Variants in MYLK observed in about 807,000 individuals in gnomAD.
The protein encoded by MYLK is myosin light chain kinase, smooth muscle.
In MYLK, 106 loss-of-function variants were observed where a neutral mutation model predicts 203.4. The ratio of observed to expected loss-of-function variants is 0.52; its 90% confidence interval spans 0.45 to 0.61. The LOEUF (loss-of-function observed/expected upper bound fraction) is 0.61. Among genes scored for constraint, MYLK ranks in the 20% least tolerant of loss-of-function variants. The pLI is 0.00. For synonymous variants in MYLK, 867 were observed against 959.5 expected (o/e 0.90, Z 1.78); for missense variants, 2,072 against 2,442.3 (o/e 0.85, Z 3.20).
chr3:123,805,480 T>C (rs982980755), intron 3 of MYLK, among the ~76,000 whole-genome samples: 8 of 147,692 alleles, frequency 5.4e-5, no homozygotes, highest in Non-Finnish European at 1.2e-4. Context: ...GTTTTTCCCA[T>C]AAAAATCTAG....
intron 15 of MYLK, 38 bp from the exon 16 acceptor site, chr3:123,708,041 C>G: frequency 1.2e-6 from 2 of 1,612,666 alleles, no homozygotes; most frequent in Non-Finnish European, 1.7e-6. Flanking sequence ...ACAGGGATGT[C>G]CCTCAGCAGG....
chr3:123,659,632 T>A (rs1053152217), intron 23 of MYLK: 1 of 513,804 alleles, frequency 1.9e-6, no homozygotes, highest in Admixed American at 2.0e-5. Context: ...TGCTTTCTGT[T>A]CTTTCTAAGC....
intron 24 of MYLK, among the ~76,000 whole-genome samples, chr3:123,655,477 CCT>C (rs1317201275): frequency 6.6e-6 from 1 of 152,216 alleles, no homozygotes; most frequent in African/African-American, 2.4e-5. Context: ...CTAGCTTAAA[CCT>C]TTCTCCTGGG....
chr3:123,704,556 C>G (rs2061375678), intron 16 of MYLK, among the ~76,000 whole-genome samples: 1 of 152,066 alleles, frequency 6.6e-6, no homozygotes, highest in Admixed American at 6.6e-5. Flanking sequence ...GGATCCTGTC[C>G]CACCCTGAAT....
chr3:123,753,261 A>G (rs1354417657), intron 4 of MYLK, among the ~76,000 whole-genome samples: 1 of 152,222 alleles, frequency 6.6e-6, no homozygotes, highest in Non-Finnish European at 1.5e-5. Flanking sequence ...AGTATTTTTG[A>G]TATGTTGAAT....
intron 3 of MYLK, among the ~76,000 whole-genome samples, chr3:123,804,799 T>G (rs9816400): frequency 0.17 from 26,075 of 152,188 alleles, 2,848 homozygotes; most frequent in Non-Finnish European, 0.25. Context: ...TCCCATGGCC[T>G]GTTTCCCCTG....
At chr3:123,681,475 G>T in intron 20 of MYLK, 1 of 152,980 alleles carries the variant, frequency 6.5e-6, no homozygotes. Context: ...ACATTGGGAA[G>T]GAGGTAGTGG....
chr3:123,752,089 T>C (rs2063212112), intron 5 of MYLK, among the ~76,000 whole-genome samples: 1 of 151,954 alleles, frequency 6.6e-6, no homozygotes, highest in Admixed American at 6.6e-5. Context: ...GGGGAAGCCA[T>C]GGGAGGGCTC....
chr3:123,744,545 G>A (rs529310346), intron 5 of MYLK, among the ~76,000 whole-genome samples: 4 of 152,340 alleles, frequency 2.6e-5, no homozygotes, highest in East Asian at 3.9e-4. Context: ...GATGATTAAT[G>A]TATTAATGTG....
chr3:123,831,514 G>A, intron 3 of MYLK, 34 bp downstream of exon 3: 1 of 989,028 alleles, frequency 1.0e-6, no homozygotes, highest in East Asian at 6.1e-5. Context: ...GAGGAGGAAT[G>A]GTCAACAGCA....
At chr3:123,664,815 A>G (rs542153554) in intron 22 of MYLK, among the ~76,000 whole-genome samples, 1 of 152,378 alleles carries the variant, frequency 6.6e-6, no homozygotes, top group East Asian at 1.9e-4. Context: ...TCATGTTACA[A>G]TAAGAATGAG....
chr3:123,737,377 C>T lies in MYLK; in HGVS notation c.754+1G>A, dbSNP rs1204908780. On this transcript the variant is annotated splice_donor_variant, in intron 8 of 33. Coordinates refer to ENST00000360304, the MANE Select transcript of MYLK (RefSeq NM_053025.4). LOFTEE classifies it high-confidence loss of function. ...TGCACTAGCCGTCCACTGGTCGATACCTTGGATGGAAAGTTCAGCTGACAT... is the reference window on the plus strand; with the variant it reads ...TGCACTAGCCGTCCACTGGTCGATATCTTGGATGGAAAGTTCAGCTGACAT... 1 of 1,614,138 alleles carries T rather than the reference C, an allele frequency of 6.2e-7. No individual in the cohort carries two copies. Among genetic ancestry groups the T allele is most frequent in the South Asian group, 1.1e-5 (1 of 91,070 alleles).
intron 8 of MYLK, among the ~76,000 whole-genome samples, chr3:123,735,976 T>A (rs180983265): frequency 3.9e-5 from 6 of 152,316 alleles, no homozygotes; most frequent in Admixed American, 2.0e-4. Context: ...CGTTTATTTG[T>A]TTTTGAGTAT....
intron 19 of MYLK, among the ~76,000 whole-genome samples, chr3:123,686,370 GTT>G (rs57730652): frequency 6.8e-6 from 1 of 147,788 alleles, no homozygotes. Flanking sequence ...TCTGGGCAGC[GTT>G]TTTTTTTTTT....
intron 23 of MYLK, among the ~76,000 whole-genome samples, chr3:123,660,921 T>C (rs1384981032): frequency 6.6e-6 from 1 of 152,246 alleles, no homozygotes; most frequent in East Asian, 1.9e-4. Context: ...TAATTCTAAG[T>C]GTACAGGCTC....
intron 3 of MYLK, among the ~76,000 whole-genome samples, chr3:123,818,580 C>G (rs1349683813): frequency 1.3e-5 from 2 of 152,126 alleles, no homozygotes; most frequent in African/African-American, 2.4e-5. Flanking sequence ...GTCTCAGCCA[C>G]TCAAGGGGCT....
At chr3:123,713,244 C>G (rs188679513) in intron 13 of MYLK, among the ~76,000 whole-genome samples, 1 of 152,124 alleles carries the variant, frequency 6.6e-6, no homozygotes, top group African/African-American at 2.4e-5. Flanking sequence ...ATGTTCAGAA[C>G]GAGCCTGTTC....
In MYLK at chr3:123,795,038, A is replaced by G. The variant is rs1419879015; in HGVS notation, c.-3-1194T>C. Among the ~76,000 whole-genome samples the G allele has an allele frequency of 2.0e-5, 3 of 152,236 alleles. No homozygotes were observed. The East Asian group carries it at 5.8e-4, about 29-fold the overall frequency. ...AGGCAGGCTCCAGAGCTCTTTTAAAATGTGAAAATGTGAACCTGAAATAAA... is the reference window on the plus strand; with the variant it reads ...AGGCAGGCTCCAGAGCTCTTTTAAAGTGTGAAAATGTGAACCTGAAATAAA... On this transcript the variant is annotated intron_variant, in intron 3 of 33. Transcript: ENST00000360304.
rs1366910989 is a variant in MYLK, at chr3:123,844,843, TTTTTA to T, written c.-126-13178_-126-13174del. 1.3e-4 allele frequency among the ~76,000 whole-genome samples: 8 copies of T among 62,318 alleles called. 1 individual carries two copies. Among genetic ancestry groups the T allele is most frequent in the East Asian group, 5.2e-4 (1 of 1,906 alleles). The allele number at this position is 62,318 out of a possible 152,430, so 40.9% of individuals were successfully genotyped here. On this transcript the variant is annotated intron_variant, in intron 2 of 33. Coordinates refer to ENST00000360304, the MANE Select transcript of MYLK (RefSeq NM_053025.4). The stretch of plus-strand genomic sequence containing the variant: ...AGTTGTTTTTTTTTTTTTTTTTTTT[TTTTTA>T]AAGACAGGATCTTGCTATGTTGCCC...
Sources: gnomAD v4.1 joint callset for allele counts (sites outside exome capture counted in the v4.1 genomes callset) on GRCh38, gnomAD v4.1.1 for gene constraint, MANE v1.5 for transcripts, NCBI Gene and HGNC (gene_info 2026-07-23, HGNC 2026-07-21) for gene names.